Variants in STK39 observed in about 807,000 individuals in gnomAD.
STK39 encodes the protein serine/threonine kinase 39.
STK39 carries 20 observed loss-of-function variants against 77.8 expected under a neutral mutation model. The ratio of observed to expected loss-of-function variants is 0.26; its 90% CI spans 0.18 to 0.37. The LOEUF (loss-of-function observed/expected upper bound fraction) is 0.37. Ranked by LOEUF, STK39 falls within the 10% of genes least tolerant of loss-of-function variation. The pLI is 1.00. For missense variants in STK39, 479 were observed against 656.5 expected (o/e 0.73, Z 2.95); for synonymous variants, 246 against 234.1 (o/e 1.05, Z -0.47).
intron 5 of STK39, among the ~76,000 whole-genome samples, chr2:168,148,912 T>C (rs893834478): frequency 3.9e-5 from 6 of 152,182 alleles, no homozygotes; most frequent in African/African-American, 1.2e-4. Context: ...TAAGTCCCAA[T>C]GACACTCCCT....
At chr2:168,002,465 G>A (rs1370969569) in intron 16 of STK39, among the ~76,000 whole-genome samples, 2 of 152,190 alleles carry the variant, frequency 1.3e-5, no homozygotes, top group Non-Finnish European at 2.9e-5. Flanking sequence ...TGGAGAGCTG[G>A]TCATTCTATG....
chr2:168,018,972 G>C (rs145087608), intron 14 of STK39, among the ~76,000 whole-genome samples: 1 of 152,108 alleles, frequency 6.6e-6, no homozygotes, highest in East Asian at 1.9e-4. Flanking sequence ...AACAAAACAG[G>C]GAGAAGTAAA....
intron 14 of STK39, among the ~76,000 whole-genome samples, chr2:168,019,998 C>G (rs559936130): frequency 9.1e-4 from 138 of 152,258 alleles, no homozygotes; most frequent in Non-Finnish European, 1.6e-3. Context: ...AGCCACTGCG[C>G]CTGGCAAAGT....
intron 16 of STK39, among the ~76,000 whole-genome samples, chr2:167,987,660 A>G (rs1433892186): frequency 6.6e-6 from 1 of 152,150 alleles, no homozygotes; most frequent in Non-Finnish European, 1.5e-5. Flanking sequence ...CAAAGACCAT[A>G]CTGTGCTAAG....
At chr2:167,960,660 G>C (rs796692766) in intron 17 of STK39, among the ~76,000 whole-genome samples, 7 of 152,180 alleles carry the variant, frequency 4.6e-5, no homozygotes, top group African/African-American at 1.4e-4. Flanking sequence ...AGCAGGTGTG[G>C]CCTGCACCCC....
intron 2 of STK39, among the ~76,000 whole-genome samples, chr2:168,176,767 G>GA (rs1472416909): frequency 2.6e-5 from 4 of 151,970 alleles, no homozygotes; most frequent in South Asian, 2.1e-4. Flanking sequence ...GTTCATAGGA[G>GA]AAAAAAATGA....
chr2:168,075,166 A>G lies in STK39; in HGVS notation c.1155T>C (p.Ser385=), dbSNP rs201897996. The change falls in exon 11 of 18, where the codon AGT becomes AGC. Residue 385 remains serine (S), a synonymous_variant. Transcript: ENST00000355999. ...HKTEDGDWEW[S]DDEMDEKSEE... Reference sequence around the variant, plus strand: ...CGCTCTTCTCATCCATCTCGTCGTCACTCCACTCCCAGTCCCCGTCTTCGG... The same window carrying G: ...CGCTCTTCTCATCCATCTCGTCGTCGCTCCACTCCCAGTCCCCGTCTTCGG... The G allele has an allele frequency of 2.7e-5, 43 of 1,613,914 alleles. No individual in the cohort carries two copies. In the Middle Eastern group the frequency reaches 1.5e-3, roughly 56 times the overall value.
At chr2:168,023,099 G>A (rs776765441) in intron 14 of STK39, among the ~76,000 whole-genome samples, 3 of 151,986 alleles carry the variant, frequency 2.0e-5, no homozygotes, top group Non-Finnish European at 4.4e-5. Flanking sequence ...ATTTTTTGTA[G>A]AGACAAGGGT....
chr2:168,148,464 C>T (rs909340019), intron 5 of STK39, among the ~76,000 whole-genome samples: 4 of 152,158 alleles, frequency 2.6e-5, no homozygotes, highest in African/African-American at 9.7e-5. Context: ...TTAAGTCTTC[C>T]AGGTGGACGT....
At chr2:168,208,566 A>T (rs1168813454) in intron 1 of STK39, among the ~76,000 whole-genome samples, 2 of 152,208 alleles carry the variant, frequency 1.3e-5, no homozygotes, top group African/African-American at 4.8e-5. Flanking sequence ...TGTACATAAC[A>T]TCTTTCACAT....
intron 10 of STK39, among the ~76,000 whole-genome samples, chr2:168,103,465 G>C (rs1372731212): frequency 6.6e-6 from 1 of 152,122 alleles, no homozygotes; most frequent in African/African-American, 2.4e-5. Context: ...CCAAGAAACA[G>C]AAAACATTGC....
intron 5 of STK39, among the ~76,000 whole-genome samples, chr2:168,151,984 A>G (rs1244410823): frequency 6.6e-6 from 1 of 152,190 alleles, no homozygotes. Flanking sequence ...CTGCCCATCT[A>G]TGTCAGAGCT....
At chr2:168,015,690 G>T (rs1030697254) in intron 15 of STK39, among the ~76,000 whole-genome samples, 1 of 152,104 alleles carries the variant, frequency 6.6e-6, no homozygotes, top group Non-Finnish European at 1.5e-5. Flanking sequence ...ACAATCAGAT[G>T]AAAAGAAACA....
chr2:168,071,308 G>C (rs1277324760), intron 12 of STK39, among the ~76,000 whole-genome samples: 2 of 152,028 alleles, frequency 1.3e-5, no homozygotes, highest in Admixed American at 1.3e-4. Context: ...CAGTGAACAT[G>C]TATAGTGTCT....
intron 10 of STK39, among the ~76,000 whole-genome samples, chr2:168,078,597 A>G (rs16854666): frequency 0.02 from 3,023 of 152,274 alleles, 104 homozygotes; most frequent in African/African-American, 0.069. Context: ...ACCAGGTAAA[A>G]TTTCTACGAT....
At chr2:168,154,278 A>T (rs918490574) in intron 5 of STK39, among the ~76,000 whole-genome samples, 1 of 152,228 alleles carries the variant, frequency 6.6e-6, no homozygotes, top group African/African-American at 2.4e-5. Context: ...GTTCTCTATT[A>T]AAGTTATCCA....
chr2:168,044,860 A>G lies in STK39; in HGVS notation c.1376+18640T>C, dbSNP rs115522460. On this transcript the variant is annotated intron_variant, in intron 14 of 17. Coordinates refer to ENST00000355999, the MANE Select transcript of STK39 (RefSeq NM_013233.3). ...AACCAACCATGACTAAGGGCCAAAC[A>G]GGTAATAATTCCAACAGACCCACTG... 7.7e-3 allele frequency among the ~76,000 whole-genome samples: 1,174 copies of G among 152,340 alleles called. 20 individuals carry two copies. The highest frequency in any genetic ancestry group is 0.027 in the African/African-American group (1,122 of 41,578).
Position 168,204,463 on chromosome 2 carries a change from C to T in STK39, c.209-22373G>A, listed in dbSNP as rs1212017298. On this transcript the variant is annotated intron_variant, in intron 1 of 17. Transcript: ENST00000355999. ...TCAGAAACAAGAGTCAAGTTACAGA[C>T]GAGACCAACAGTCCCTCAACCCCTG... is the stretch of plus-strand genomic sequence containing the variant. Among the ~76,000 whole-genome samples, 13 of 152,216 alleles carry T rather than the reference C, an allele frequency of 8.5e-5. No individual in the cohort carries two copies. In the East Asian group the frequency reaches 1.9e-3, roughly 23 times the overall value.
intron 16 of STK39, among the ~76,000 whole-genome samples, chr2:168,001,955 G>A (rs2105298600): frequency 6.6e-6 from 1 of 152,258 alleles, no homozygotes; most frequent in Admixed American, 6.5e-5. Flanking sequence ...TCTTAAGTAG[G>A]GACTGATCAG....
Sources: allele counts gnomAD v4.1 joint callset (sites outside exome capture counted in the v4.1 genomes callset), GRCh38; gene constraint gnomAD v4.1.1; transcripts MANE v1.5; gene names NCBI Gene and HGNC (gene_info 2026-07-23, HGNC 2026-07-21).